FAM171B: variants seen among roughly 807,000 people sequenced by gnomAD.
The protein encoded by FAM171B is protein FAM171B.
A neutral mutation model predicts 75.6 loss-of-function variants in FAM171B; 19 were observed. The ratio of observed to expected loss-of-function variants is 0.25; its 90% CI spans 0.18 to 0.37. FAM171B has a LOEUF of 0.37. Among genes scored for constraint, FAM171B ranks in the 10% least tolerant of loss-of-function variants. FAM171B has a pLI of 1.00. For missense variants in FAM171B, 848 were observed against 982.4 expected, an observed-to-expected ratio of 0.86 and a Z score of 1.83; for synonymous variants, 367 against 361.7, an observed-to-expected ratio of 1.01 and a Z score of -0.17.
In FAM171B at chr2:186,761,801, C is replaced by A; in HGVS notation, c.1459C>A (p.Pro487Thr). 1 of 1,613,162 alleles carries A rather than the reference C, an allele frequency of 6.2e-7. No individual in the cohort carries two copies. Among genetic ancestry groups the A allele is most frequent in the South Asian group, 1.1e-5 (1 of 91,070 alleles). The change falls in exon 8 of 8, where the codon CCC becomes ACC. Residue 487 changes from proline (P) to threonine (T), a missense_variant. This residue lies in a region of FAM171B where 665 missense variants were observed against 729.0 expected (regional missense o/e 0.91). Coordinates refer to ENST00000304698, the MANE Select transcript of FAM171B (RefSeq NM_177454.4). ...YSRNPTQSLEPNVGSKQPKHI... is the reference protein window; with the variant it reads ...YSRNPTQSLETNVGSKQPKHI... ...AAGAAACCCAACACAGTCTTTGGAGCCCAATGTAGGGTCCAAACAACCTAA... is the reference window on the plus strand; with the variant it reads ...AAGAAACCCAACACAGTCTTTGGAGACCAATGTAGGGTCCAAACAACCTAA...
intron 1 of FAM171B, among the ~76,000 whole-genome samples, chr2:186,705,202 C>T (rs1359168882): frequency 6.6e-6 from 1 of 152,198 alleles, no homozygotes; most frequent in Non-Finnish European, 1.5e-5. Flanking sequence ...TTTATACTTA[C>T]TTTTAACTAC....
chr2:186,727,274 T>C (rs1051840011), intron 1 of FAM171B, among the ~76,000 whole-genome samples: 1 of 152,072 alleles, frequency 6.6e-6, no homozygotes, highest in East Asian at 1.9e-4. Context: ...TCCCATTTGG[T>C]TGGGCTAAGG....
In FAM171B at chr2:186,751,218, C is replaced by T; in HGVS notation, c.809C>T (p.Ser270Phe). Reference sequence around the variant, plus strand: ...GGAAAAGAACTAAAGGTCAATGGCTCTATTCAAGTTTCTCTTCCTCTTCTA... The same window carrying T: ...GGAAAAGAACTAAAGGTCAATGGCTTTATTCAAGTTTCTCTTCCTCTTCTA... ...SGGKELKVNG[S>F]IQVSLPLLRL... Residue 270 changes from serine to phenylalanine, a missense_variant, in exon 5 of 8, where the codon TCT (serine) becomes TTT (phenylalanine). By Grantham distance (155) the Ser-to-Phe change is radical. This residue lies in a region of FAM171B where 665 missense variants were observed against 729.0 expected (regional missense o/e 0.91). Coordinates refer to ENST00000304698, the MANE Select transcript of FAM171B (RefSeq NM_177454.4). 6.2e-7 allele frequency: 1 copy of T among 1,611,942 alleles called. No homozygotes were observed. The highest frequency in any genetic ancestry group is 1.1e-5 in the South Asian group (1 of 90,806).
chr2:186,713,509 A>C (rs1009000155), intron 1 of FAM171B, among the ~76,000 whole-genome samples: 2 of 152,210 alleles, frequency 1.3e-5, no homozygotes, highest in Admixed American at 1.3e-4. Context: ...TCAGAAGTAC[A>C]AACCTTTTAT....
chr2:186,717,197 T>A (rs577233717), intron 1 of FAM171B, among the ~76,000 whole-genome samples: 44 of 152,224 alleles, frequency 2.9e-4, no homozygotes, highest in African/African-American at 1.1e-3. Flanking sequence ...TACTCTTCTT[T>A]TAAAAAATGT....
chr2:186,735,182 C>T (rs960939222), intron 1 of FAM171B, among the ~76,000 whole-genome samples: 5 of 152,268 alleles, frequency 3.3e-5, no homozygotes, highest in South Asian at 2.1e-4. Flanking sequence ...GTGGCTGCTC[C>T]ACACGGGCTG....
In FAM171B at chr2:186,753,955, G is replaced by A; in HGVS notation, c.918G>A (p.Arg306=). The A allele has an allele frequency of 6.2e-7, 1 of 1,613,494 alleles. No individual in the cohort carries two copies. Among genetic ancestry groups the A allele is most frequent in the Non-Finnish European group, 8.5e-7 (1 of 1,179,684 alleles). Residue 306 remains arginine (R), a synonymous_variant, in exon 6 of 8, where the codon CGG becomes CGA. Transcript: ENST00000304698. The part of the protein sequence containing the change: ...MNTGAWVNHG[R]GMVKEHNNHL... ...TAGGTGCTTGGGTAAATCATGGTCGGGGAATGGTCAAGGAACATAACAATC... is the reference window on the plus strand; with the variant it reads ...TAGGTGCTTGGGTAAATCATGGTCGAGGAATGGTCAAGGAACATAACAATC...
chr2:186,707,830 C>CT (rs59441406), intron 1 of FAM171B, among the ~76,000 whole-genome samples: 999 of 97,432 alleles, frequency 0.01, 9 homozygotes, highest in Middle Eastern at 0.02. Flanking sequence ...TTAAATACCA[C>CT]TTTTTTTTTT....
At chr2:186,702,439 G>A (rs1689675802) in intron 1 of FAM171B, among the ~76,000 whole-genome samples, 1 of 152,196 alleles carries the variant, frequency 6.6e-6, no homozygotes, top group Non-Finnish European at 1.5e-5. Flanking sequence ...AAACAGCTCT[G>A]TTTGCTTTGA....
chr2:186,721,103 T>A (rs908712741), intron 1 of FAM171B, among the ~76,000 whole-genome samples: 2 of 152,200 alleles, frequency 1.3e-5, no homozygotes, highest in African/African-American at 2.4e-5. Flanking sequence ...CATATCCCTA[T>A]CCCTTCAGGA....
chr2:186,744,049 G>A (rs190578862), intron 3 of FAM171B, among the ~76,000 whole-genome samples: 1 of 152,288 alleles, frequency 6.6e-6, no homozygotes, highest in Admixed American at 6.5e-5. Context: ...CCAAGGAGAA[G>A]AGTGCAGAAA....
At chr2:186,747,759 G>A in intron 4 of FAM171B, among the ~76,000 whole-genome samples, 1 of 151,952 alleles carries the variant, frequency 6.6e-6, no homozygotes, top group East Asian at 1.9e-4. Context: ...GTATTCTAGA[G>A]TCAACAGCAC....
At chr2:186,697,919 G>C (rs1041762055) in intron 1 of FAM171B, among the ~76,000 whole-genome samples, 1 of 152,020 alleles carries the variant, frequency 6.6e-6, no homozygotes, top group African/African-American at 2.4e-5. Flanking sequence ...ATTTAAAAAA[G>C]TACATTTCCA....
intron 1 of FAM171B, 33 bp downstream of exon 1, chr2:186,694,444 T>C (rs1689546894): frequency 3.8e-6 from 6 of 1,592,026 alleles, no homozygotes; most frequent in Non-Finnish European, 4.3e-6. Flanking sequence ...GGTCTTTCAG[T>C]CTCGGCCGGC....
intron 1 of FAM171B, among the ~76,000 whole-genome samples, chr2:186,714,734 G>C (rs912754655): frequency 2.0e-5 from 3 of 152,184 alleles, no homozygotes; most frequent in African/African-American, 4.8e-5. Flanking sequence ...CTAATGGCAG[G>C]AAGGCATCAC....
chr2:186,759,278 T>C (rs1250367240), intron 6 of FAM171B, among the ~76,000 whole-genome samples: 1 of 152,168 alleles, frequency 6.6e-6, no homozygotes, highest in African/African-American at 2.4e-5. Context: ...AGATATCTCT[T>C]TGATATTCCT....
intron 6 of FAM171B, among the ~76,000 whole-genome samples, chr2:186,759,867 A>G (rs1432977532): frequency 5.3e-5 from 8 of 151,958 alleles, no homozygotes; most frequent in Non-Finnish European, 1.2e-4. Context: ...CTTTGCCAAG[A>G]TTTATTGGAG....
intron 1 of FAM171B, among the ~76,000 whole-genome samples, chr2:186,720,464 A>T (rs1689936137): frequency 6.6e-6 from 1 of 152,186 alleles, no homozygotes; most frequent in African/African-American, 2.4e-5. Flanking sequence ...CTACTGATAC[A>T]GTCAATATTA....
chr2:186,739,694 A>G (rs963488035), intron 1 of FAM171B, among the ~76,000 whole-genome samples: 1 of 152,198 alleles, frequency 6.6e-6, no homozygotes, highest in African/African-American at 2.4e-5. Context: ...TACCTCCTGA[A>G]GGACCTGCCT....
Sources: allele counts gnomAD v4.1 joint callset (sites outside exome capture counted in the v4.1 genomes callset), GRCh38; gene constraint gnomAD v4.1.1; regional missense constraint gnomAD v4.1.1; transcripts MANE v1.5; gene names NCBI Gene and HGNC (gene_info 2026-07-23, HGNC 2026-07-21).